The following ALPK3 variants were observed in gnomAD, a reference collection of about 807,000 sequenced individuals.
ALPK3 encodes the protein alpha kinase 3.
ALPK3 carries 102 observed loss-of-function variants against 140.0 expected under a neutral mutation model. The observed-to-expected ratio is 0.73, with a 90% CI of 0.62 to 0.86. The LOEUF (loss-of-function observed/expected upper bound fraction) is 0.86, where lower values mean the gene tolerates loss of function less well. Ranked by LOEUF, ALPK3 falls within the 40% of genes least tolerant of loss-of-function variation. The pLI is 0.00. For missense variants in ALPK3, 2,254 were observed against 2,208.2 expected (o/e 1.02, Z -0.42); for synonymous variants, 938 against 898.5 (o/e 1.04, Z -0.79).
rs760197013 is a variant in ALPK3 at position 84,870,028 on chromosome 15, C to T, written c.*1572C>T. On this transcript the variant is annotated 3_prime_UTR_variant, in exon 14 of 14. Coordinates refer to ENST00000258888, the MANE Select transcript of ALPK3 (RefSeq NM_020778.5). ...AGAAGAGGAACACAAAGGAAGCCAC[C>T]CAGGAAGGAAGCACAGAGCTGGGGG... 1.3e-5 allele frequency: 2 copies of T among 152,150 alleles called. No homozygotes were observed. The highest frequency in any genetic ancestry group is 2.4e-5 in the African/African-American group (1 of 41,398). The allele number at this position is 152,150 out of a possible 1,614,324, so 9.4% of individuals were successfully genotyped here.
chr15:84,847,636 C>T (rs747517060), intron 5 of ALPK3, among the ~76,000 whole-genome samples: 1 of 150,958 alleles, frequency 6.6e-6, no homozygotes, highest in South Asian at 2.1e-4. Flanking sequence ...TTTTTTAATG[C>T]TAAAAAAAAG....
intron 1 of ALPK3, among the ~76,000 whole-genome samples, chr15:84,822,978 G>A (rs1014262929): frequency 1.3e-5 from 2 of 152,270 alleles, no homozygotes; most frequent in Non-Finnish European, 2.9e-5. Flanking sequence ...CCAGGCTGGT[G>A]TGCTGTGGGG....
chr15:84,820,007 C>A (rs1339737719), intron 1 of ALPK3, among the ~76,000 whole-genome samples: 1 of 152,224 alleles, frequency 6.6e-6, no homozygotes. Context: ...GTCTCACATG[C>A]AGATAGTCCC....
intron 5 of ALPK3, among the ~76,000 whole-genome samples, chr15:84,854,758 T>C (rs773401975): frequency 2.6e-5 from 4 of 152,246 alleles, no homozygotes; most frequent in Non-Finnish European, 5.9e-5. Flanking sequence ...CTTTCCACTT[T>C]CGTGCTGGCT....
At position 84,862,971 on chromosome 15, in the gene ALPK3, C is replaced by G. The variant is rs1963966374; in HGVS notation, c.4410+56C>G. ...TTTATTCTCTCACCCCCTCCCCTTTCCCAGCCCAGGTCCTGTTAGGATGCC... is the reference window on the plus strand; with the variant it reads ...TTTATTCTCTCACCCCCTCCCCTTTGCCAGCCCAGGTCCTGTTAGGATGCC... On this transcript the variant is annotated intron_variant, in intron 10 of 13. Coordinates refer to ENST00000258888, the MANE Select transcript of ALPK3 (RefSeq NM_020778.5). 5 of 1,574,514 alleles carry G rather than the reference C, an allele frequency of 3.2e-6. No individual in the cohort carries two copies. In the South Asian group the frequency reaches 6.0e-5, roughly 19 times the overall value.
At position 84,840,403 on chromosome 15, in the gene ALPK3, C is replaced by G; in HGVS notation, c.1124C>G (p.Ala375Gly). The change falls in exon 5 of 14, where the codon GCA becomes GGA. Residue 375 changes from alanine to glycine, a missense_variant. Coordinates refer to ENST00000258888, the MANE Select transcript of ALPK3 (RefSeq NM_020778.5). ...CAGACCCAGCCCAGAGGCAGGGCTG[C>G]ACGGGGGCCTGGGTCCTCTGGCACA... ...QVQTQPRGRAARGPGSSGTDS... is the reference protein window; with the variant it reads ...QVQTQPRGRAGRGPGSSGTDS... 1 of 1,613,872 alleles carries G rather than the reference C, an allele frequency of 6.2e-7. No homozygotes were observed. Among genetic ancestry groups the G allele is most frequent in the Non-Finnish European group, 8.5e-7 (1 of 1,179,866 alleles).
At chr15:84,859,118 G>C in intron 6 of ALPK3, 125 bp from the exon 7 acceptor site, 1 of 1,318,124 alleles carries the variant, frequency 7.6e-7, no homozygotes, top group Non-Finnish European at 1.0e-6. Flanking sequence ...GGCTGTGAGT[G>C]GTAGGTCTGT....
Position 84,857,167 on chromosome 15 carries a change from T to G in ALPK3, c.2429T>G (p.Val810Gly). The G allele has an allele frequency of 6.2e-7, 1 of 1,613,882 alleles. No homozygotes were observed. The highest frequency in any genetic ancestry group is 8.5e-7 in the Non-Finnish European group (1 of 1,179,936). ...LPAQPPHEGS[V>G]EQVGGERCRG... ...GCACAGCCGCCCCATGAGGGGAGTG[T>G]GGAGCAGGTGGGAGGAGAGAGATGC... Residue 810 changes from valine to glycine, a missense_variant, in exon 6 of 14, where the codon GTG becomes GGG. By Grantham distance (109) the Val-to-Gly change is moderately radical (BLOSUM62 -3). Around this residue, in one of 3 missense-constraint regions of ALPK3, gnomAD observed 2,088 missense variants for 2,022.9 expected, o/e 1.03. Coordinates refer to ENST00000258888, the MANE Select transcript of ALPK3 (RefSeq NM_020778.5).
chr15:84,847,294 T>C (rs908655326), intron 5 of ALPK3, among the ~76,000 whole-genome samples: 2 of 150,302 alleles, frequency 1.3e-5, no homozygotes, highest in African/African-American at 2.5e-5. Context: ...CTTGGAGTGC[T>C]GTATCAAAAA....
intron 1 of ALPK3, among the ~76,000 whole-genome samples, chr15:84,821,964 G>A (rs536175753): frequency 1.2e-4 from 19 of 152,110 alleles, no homozygotes; most frequent in Admixed American, 5.2e-4. Context: ...CTGTGGTGGC[G>A]CCGGAGCATT....
chr15:84,854,255 G>T (rs1436127637), intron 5 of ALPK3, among the ~76,000 whole-genome samples: 1 of 118,148 alleles, frequency 8.5e-6, no homozygotes, highest in Non-Finnish European at 2.0e-5. Flanking sequence ...GATGAAAAAT[G>T]ATACAGTGTT....
chr15:84,840,501 G>A lies in ALPK3; in HGVS notation c.1222G>A (p.Gly408Ser). 1 of 1,612,384 alleles carries A rather than the reference G, an allele frequency of 6.2e-7. No individual in the cohort carries two copies. Among genetic ancestry groups the A allele is most frequent in the Non-Finnish European group, 8.5e-7 (1 of 1,179,554 alleles). ...KAQKAPGPGP[G>S]QEVYFSLKDM... The stretch of plus-strand genomic sequence containing the variant: ...CCAGAAGGCCCCTGGCCCAGGCCCA[G>A]GCCAGGAAGTGTATTTCTCCTTGAA... The change falls in exon 5 of 14, where the codon GGC becomes AGC. Residue 408 changes from glycine (G) to serine (S), a missense_variant. Gly to Ser is a moderately conservative substitution (Grantham distance 56). Coordinates refer to ENST00000258888, the MANE Select transcript of ALPK3 (RefSeq NM_020778.5).
At chr15:84,835,645 A>G (rs890710429) in intron 3 of ALPK3, among the ~76,000 whole-genome samples, 8 of 152,164 alleles carry the variant, frequency 5.3e-5, no homozygotes, top group Non-Finnish European at 8.8e-5. Flanking sequence ...TATTGTGATT[A>G]GTGCTGTGAA....
intron 2 of ALPK3, among the ~76,000 whole-genome samples, chr15:84,825,814 G>A (rs544969478): frequency 6.6e-5 from 10 of 152,312 alleles, no homozygotes; most frequent in South Asian, 2.1e-4. Context: ...AGCAAGAAAC[G>A]TTTTCAGATA....
At chr15:84,862,986 G>A (rs1265949381) in intron 10 of ALPK3, 71 bp downstream of exon 10, 1 of 1,557,228 alleles carries the variant, frequency 6.4e-7, no homozygotes, top group Non-Finnish European at 8.7e-7. Context: ...CCCAGGTCCT[G>A]TTAGGATGCC....
chr15:84,817,463 G>T lies in ALPK3; in HGVS notation c.11G>T (p.Arg4Leu), dbSNP rs1963372827. 22 of 1,356,444 alleles carry T rather than the reference G, an allele frequency of 1.6e-5. No individual in the cohort carries two copies. Among genetic ancestry groups the T allele is most frequent in the Non-Finnish European group, 2.1e-5 (22 of 1,061,858 alleles). The allele number at this position is 1,356,444 out of a possible 1,614,324, so 84.0% of individuals were successfully genotyped here. A position where few individuals can be genotyped will look rare whatever the true frequency, so the allele number is the denominator to read the frequency against. The stretch of plus-strand genomic sequence containing the variant: ...GGGGAGGGCGGTGCCATGGGGTCGC[G>T]GAGGGCCCCCAGCCGGGGCTGGGGC... MGSRRAPSRGWGAG... is the reference protein window; with the variant it reads MGSLRAPSRGWGAG... The change falls in exon 1 of 14, where the codon CGG becomes CTG. Residue 4 changes from arginine (R) to leucine (L), a missense_variant. By Grantham distance (102) the Arg-to-Leu change is moderately radical. Transcript: ENST00000258888.
At chr15:84,861,124 G>C (rs1046703116) in intron 9 of ALPK3, among the ~76,000 whole-genome samples, 1 of 152,190 alleles carries the variant, frequency 6.6e-6, no homozygotes, top group Non-Finnish European at 1.5e-5. Flanking sequence ...CATATGCGTT[G>C]GTTTATTTGA....
Position 84,862,761 on chromosome 15 carries a change from G to C in ALPK3, c.4256G>C (p.Gly1419Ala). The C allele has an allele frequency of 6.2e-7, 1 of 1,614,146 alleles. No homozygotes were observed. The highest frequency in any genetic ancestry group is 8.5e-7 in the Non-Finnish European group (1 of 1,180,006). ...CTCCGAGGGGGTGGATATGGGTGTGGCCTTCGGAAGGCCTCCCAGGCCAAG... is the reference window on the plus strand; with the variant it reads ...CTCCGAGGGGGTGGATATGGGTGTGCCCTTCGGAAGGCCTCCCAGGCCAAG... ...EELRGGGYGC[G>A]LRKASQAKVI... Residue 1419 changes from glycine to alanine, a missense_variant, in exon 10 of 14, where the codon GGC becomes GCC. Gly to Ala is a moderately conservative substitution (Grantham distance 60). Transcript: ENST00000258888.
intron 13 of ALPK3, among the ~76,000 whole-genome samples, chr15:84,867,629 T>C (rs1964016368): frequency 6.6e-6 from 1 of 152,144 alleles, no homozygotes; most frequent in Admixed American, 6.5e-5. Context: ...CGCTTGAGGA[T>C]GGTTGCCAAG....
Sources: allele counts gnomAD v4.1 joint callset (sites outside exome capture counted in the v4.1 genomes callset), GRCh38; gene constraint gnomAD v4.1.1; regional missense constraint gnomAD v4.1.1; transcripts MANE v1.5; gene names NCBI Gene and HGNC (gene_info 2026-07-23, HGNC 2026-07-21).